Variants in CCDC86 observed in about 807,000 individuals in gnomAD.
CCDC86 encodes the protein coiled-coil domain containing 86, also known as coiled-coil domain-containing protein 86.
CCDC86 carries 28 observed loss-of-function variants against 36.7 expected under a neutral mutation model. The ratio of observed to expected loss-of-function variants is 0.76; its 90% CI spans 0.57 to 1.05. CCDC86 has a LOEUF of 1.05. Among genes scored for constraint, CCDC86 ranks in the 50% least tolerant of loss-of-function variants. The pLI is 0.00. For synonymous variants in CCDC86, 199 were observed against 203.4 expected (o/e 0.98, Z 0.18); for missense variants, 453 against 470.2 (o/e 0.96, Z 0.34).
intron 1 of CCDC86, among the ~76,000 whole-genome samples, chr11:60,843,447 G>A (rs761483310): frequency 3.3e-5 from 5 of 152,150 alleles, no homozygotes; most frequent in Non-Finnish European, 7.3e-5. Flanking sequence ...CCTGTTTTTT[G>A]TGTGAGGAAA....
intron 2 of CCDC86, among the ~76,000 whole-genome samples, chr11:60,848,538 T>C (rs955091150): frequency 6.6e-6 from 1 of 152,144 alleles, no homozygotes; most frequent in Admixed American, 6.5e-5. Flanking sequence ...TTCTGTCCCC[T>C]GTCACCCATC....
chr11:60,842,915 G>T, intron 1 of CCDC86, 33 bp downstream of exon 1: 1 of 1,531,724 alleles, frequency 6.5e-7, no homozygotes, highest in Non-Finnish European at 8.8e-7. Context: ...CAGGGGTGGC[G>T]TTCTCTATGG....
At chr11:60,847,012 T>G (rs1180282004) in intron 1 of CCDC86, among the ~76,000 whole-genome samples, 1 of 152,218 alleles carries the variant, frequency 6.6e-6, no homozygotes, top group Non-Finnish European at 1.5e-5. Context: ...CGTTGCTCTT[T>G]TCAGATTTCC....
At position 60,842,182 on chromosome 11, in the gene CCDC86, G is replaced by C; in HGVS notation, c.58G>C (p.Glu20Gln). The C allele has an allele frequency of 1.9e-6, 3 of 1,612,210 alleles. No homozygotes were observed. The highest frequency in any genetic ancestry group is 2.5e-6 in the Non-Finnish European group (3 of 1,179,396). The part of the protein sequence containing the change: ...RLGGLRPESP[E>Q]SLTSVSRTRR... ...GGGAGGCCTAAGGCCCGAATCCCCCGAGAGCCTCACCTCAGTTTCGCGGAC... is the reference window on the plus strand; with the variant it reads ...GGGAGGCCTAAGGCCCGAATCCCCCCAGAGCCTCACCTCAGTTTCGCGGAC... The change falls in exon 1 of 4, where the codon GAG becomes CAG. Residue 20 changes from glutamate to glutamine, a missense_variant. Coordinates refer to ENST00000227520, the MANE Select transcript of CCDC86 (RefSeq NM_024098.4).
chr11:60,848,313 G>T (rs982844020), intron 2 of CCDC86, among the ~76,000 whole-genome samples: 2 of 152,188 alleles, frequency 1.3e-5, no homozygotes, highest in Admixed American at 6.5e-5. Flanking sequence ...GGGACGGAGG[G>T]GGAGGACCAG....
At chr11:60,845,128 G>A (rs1408671030) in intron 1 of CCDC86, among the ~76,000 whole-genome samples, 1 of 152,216 alleles carries the variant, frequency 6.6e-6, no homozygotes, top group African/African-American at 2.4e-5. Flanking sequence ...CAGTATCCAG[G>A]CAACAGGAAA....
chr11:60,843,054 C>T (rs1322243624), intron 1 of CCDC86, 172 bp downstream of exon 1: 2 of 943,944 alleles, frequency 2.1e-6, no homozygotes, highest in East Asian at 2.9e-5. Context: ...CCTGGGATCC[C>T]GGAGAGGGTG....
At chr11:60,845,816 T>TA (rs1201327117) in intron 1 of CCDC86, among the ~76,000 whole-genome samples, 1 of 152,186 alleles carries the variant, frequency 6.6e-6, no homozygotes, top group African/African-American at 2.4e-5. Context: ...TGCTGAGACT[T>TA]AGAGAGGCTA....
chr11:60,842,138 T>C lies in CCDC86; in HGVS notation c.14T>C (p.Leu5Ser). The C allele has an allele frequency of 6.3e-7, 1 of 1,589,164 alleles. No homozygotes were observed. The highest frequency in any genetic ancestry group is 8.6e-7 in the Non-Finnish European group (1 of 1,168,660). MDTP[L>S]RRSRRLGGLR... ...ACCGGCTGAGCCATGGATACACCGT[T>C]AAGGCGCAGCCGACGGCTGGGAGGC... The change falls in exon 1 of 4, where the codon TTA becomes TCA. Residue 5 changes from leucine (L) to serine (S), a missense_variant. Transcript: ENST00000227520.
Position 60,850,513 on chromosome 11 carries a change from A to C in CCDC86, c.*188A>C. Reference sequence around the variant, plus strand: ...GCAGGTCTGTGTGGGACAGAAGCCCAGAGGGGGCCTGGGACCTGGCAGAGA... The same window carrying C: ...GCAGGTCTGTGTGGGACAGAAGCCCCGAGGGGGCCTGGGACCTGGCAGAGA... On this transcript the variant is annotated 3_prime_UTR_variant, in exon 4 of 4. Coordinates refer to ENST00000227520, the MANE Select transcript of CCDC86 (RefSeq NM_024098.4). The C allele has an allele frequency of 1.5e-6, 1 of 673,000 alleles. No individual in the cohort carries two copies. The highest frequency in any genetic ancestry group is 2.4e-6 in the Non-Finnish European group (1 of 419,252). The allele number at this position is 673,000 out of a possible 1,614,324, so 41.7% of individuals were successfully genotyped here. A position where few individuals can be genotyped will look rare whatever the true frequency, so the allele number is the denominator to read the frequency against.
Position 60,847,917 on chromosome 11 carries a change from C to T in CCDC86, c.759-7C>T, listed in dbSNP as rs749437981. The T allele has an allele frequency of 3.7e-6, 6 of 1,609,160 alleles. No individual in the cohort carries two copies. The highest frequency in any genetic ancestry group is 3.3e-5 in the South Asian group (3 of 90,654). On this transcript the variant is annotated splice_polypyrimidine_tract_variant and splice_region_variant and intron_variant, in intron 1 of 3. Coordinates refer to ENST00000227520, the MANE Select transcript of CCDC86 (RefSeq NM_024098.4). Reference sequence around the variant, plus strand: ...GACCCTGTATGCACCCACTCTCCCCCTTTCAGATTCTCCCAGATGCTTCAG... The same window carrying T: ...GACCCTGTATGCACCCACTCTCCCCTTTTCAGATTCTCCCAGATGCTTCAG...
Position 60,842,340 on chromosome 11 carries a change from G to A in CCDC86, c.216G>A (p.Leu72=). Residue 72 remains leucine (L), a synonymous_variant, in exon 1 of 4, where the codon CTG becomes CTA. Coordinates refer to ENST00000227520, the MANE Select transcript of CCDC86 (RefSeq NM_024098.4). ...AGACAAGCCCAGGATCACCCCGTCT[G>A]CAGCAGGGTGCAGGCTTGGAGTCAC... The part of the protein sequence containing the change: ...PPKTSPGSPR[L]QQGAGLESPQ... 6.2e-7 allele frequency: 1 copy of A among 1,613,806 alleles called. No homozygotes were observed. The highest frequency in any genetic ancestry group is 8.5e-7 in the Non-Finnish European group (1 of 1,179,948).
intron 3 of CCDC86, 63 bp downstream of exon 3, chr11:60,850,077 GA>G (rs1855238990): frequency 1.9e-6 from 3 of 1,605,322 alleles, no homozygotes; most frequent in Non-Finnish European, 2.6e-6. Context: ...CCAGGGCCTC[GA>G]CCCCTGCCTC....
intron 2 of CCDC86, among the ~76,000 whole-genome samples, chr11:60,849,048 G>A (rs1178571583): frequency 6.6e-6 from 1 of 151,946 alleles, no homozygotes; most frequent in Non-Finnish European, 1.5e-5. Flanking sequence ...AGGAGGCCAA[G>A]GCTCACTTCT....
Position 60,849,935 on chromosome 11 carries a change from T to G in CCDC86, c.889-5T>G, listed in dbSNP as rs1855235537. 3 of 1,613,526 alleles carry G rather than the reference T, an allele frequency of 1.9e-6. No homozygotes were observed. In the African/African-American group the frequency reaches 4.0e-5, roughly 22 times the overall value. On this transcript the variant is annotated splice_region_variant and splice_polypyrimidine_tract_variant and intron_variant, in intron 2 of 3. Transcript: ENST00000227520. ...ACTCAAATCCCCTTCTCCCACATGTTCCAGGAGAAGAAACAGCGCCGGGCT... is the reference window on the plus strand; with the variant it reads ...ACTCAAATCCCCTTCTCCCACATGTGCCAGGAGAAGAAACAGCGCCGGGCT...
At position 60,842,263 on chromosome 11, in the gene CCDC86, T is replaced by TCC; in HGVS notation, c.140_141insCC (p.Pro48LeufsTer99). The TCC allele has an allele frequency of 6.2e-7, 1 of 1,612,070 alleles. No homozygotes were observed. The highest frequency in any genetic ancestry group is 1.1e-5 in the South Asian group (1 of 91,028). On this transcript the variant is annotated frameshift_variant, in exon 1 of 4. Transcript: ENST00000227520. LOFTEE classifies it high-confidence loss of function. ...CCCAGAAGAAACGAGGGAGCCCGGG[T>TCC]CTCCTCCGAGTGTGCAGCGGGCTGG...
At chr11:60,849,790 C>T (rs1855232264) in intron 2 of CCDC86, 150 bp from the exon 3 acceptor site, 5 of 680,508 alleles carry the variant, frequency 7.3e-6, no homozygotes, top group East Asian at 2.7e-5. Flanking sequence ...ATTGCTAGCC[C>T]TCCACCCACA....
At chr11:60,842,988 C>A in intron 1 of CCDC86, 106 bp downstream of exon 1, 2 of 1,390,332 alleles carry the variant, frequency 1.4e-6, no homozygotes, top group Non-Finnish European at 1.9e-6. Context: ...AGAGAGAGCT[C>A]ACGTTAGTGG....
chr11:60,849,905 C>A (rs770026590), intron 2 of CCDC86, 35 bp from the exon 3 acceptor site: 3 of 1,591,664 alleles, frequency 1.9e-6, no homozygotes, highest in South Asian at 1.1e-5. Context: ...TGCCTCTGCT[C>A]CCCGACTCAA....
Sources: allele counts gnomAD v4.1 joint callset (sites outside exome capture counted in the v4.1 genomes callset), GRCh38; gene constraint gnomAD v4.1.1; transcripts MANE v1.5; gene names NCBI Gene and HGNC (gene_info 2026-07-23, HGNC 2026-07-21).